CSAD: variants seen among roughly 807,000 people sequenced by gnomAD.
CSAD encodes the protein P-selectin cytoplasmic tail-associated protein.
A neutral mutation model predicts 61.5 loss-of-function variants in CSAD; 47 were observed. The observed-to-expected ratio is 0.76, with a 90% CI of 0.60 to 0.97. The LOEUF (loss-of-function observed/expected upper bound fraction) is 0.97. Ranked by LOEUF, CSAD falls within the 50% of genes least tolerant of loss-of-function variation. The pLI is 0.00. For missense variants in CSAD, 611 were observed against 643.6 expected, an observed-to-expected ratio of 0.95 and a Z score of 0.55; for synonymous variants, 245 against 252.7, an observed-to-expected ratio of 0.97 and a Z score of 0.29.
chr12:53,162,057 C>CA (rs1304868822), intron 10 of CSAD, among the ~76,000 whole-genome samples: 2 of 151,562 alleles, frequency 1.3e-5, no homozygotes, highest in African/African-American at 4.9e-5. Flanking sequence ...GCCAGGAGTT[C>CA]AAGACCAGCC....
chr12:53,161,437 C>T (rs769900010), intron 10 of CSAD, 48 bp from the exon 11 acceptor site: 20 of 1,495,690 alleles, frequency 1.3e-5, no homozygotes, highest in Non-Finnish European at 1.9e-5. Context: ...ATCTCAAAAG[C>T]TACTCAGAGC....
chr12:53,171,847 A>G (rs1159862611), intron 7 of CSAD, 35 bp downstream of exon 7: 2 of 1,393,902 alleles, frequency 1.4e-6, no homozygotes, highest in Non-Finnish European at 2.0e-6. Flanking sequence ...AACTCATAAA[A>G]AGGGCAAAGA....
chr12:53,176,731 A>AT (rs1941138087), intron 2 of CSAD, among the ~76,000 whole-genome samples: 1 of 152,036 alleles, frequency 6.6e-6, no homozygotes, highest in Non-Finnish European at 1.5e-5. Flanking sequence ...AAAAAAAAAA[A>AT]ATATTTATTT....
intron 10 of CSAD, among the ~76,000 whole-genome samples, chr12:53,164,953 A>G (rs1939721934): frequency 6.6e-6 from 1 of 152,198 alleles, no homozygotes; most frequent in Admixed American, 6.5e-5. Flanking sequence ...AACCATCACT[A>G]ATCATTAGGG....
chr12:53,178,502 G>A (rs1191640275), intron 2 of CSAD: 3 of 354,074 alleles, frequency 8.5e-6, no homozygotes, highest in Non-Finnish European at 1.1e-5. Flanking sequence ...TAAACAGAAT[G>A]AAAATAGGGC....
intron 16 of CSAD, among the ~76,000 whole-genome samples, chr12:53,159,152 A>T (rs1220844230): frequency 2.6e-5 from 4 of 152,148 alleles, no homozygotes; most frequent in Non-Finnish European, 5.9e-5. Flanking sequence ...GCCTTATAAT[A>T]ACAACTCCAT....
At chr12:53,176,282 T>C (rs942488025) in intron 2 of CSAD, among the ~76,000 whole-genome samples, 1 of 151,890 alleles carries the variant, frequency 6.6e-6, no homozygotes, top group African/African-American at 2.4e-5. Flanking sequence ...TGGTGGTGCA[T>C]GCCTGTAATC....
chr12:53,166,841 TCTGGAGACTGGTTGC>T (rs1940001859), intron 10 of CSAD, among the ~76,000 whole-genome samples: 2 of 152,020 alleles, frequency 1.3e-5, no homozygotes, highest in African/African-American at 4.8e-5. Context: ...TGAAAAGAGT[TCTGGAGACTGGTTGC>T]AAAACAATGT....
At chr12:53,175,017 T>C (rs1425273633) in intron 2 of CSAD, among the ~76,000 whole-genome samples, 4 of 152,192 alleles carry the variant, frequency 2.6e-5, no homozygotes, top group Non-Finnish European at 1.5e-5. Context: ...GTTCAGTTTG[T>C]TCAGCAAACA....
intron 10 of CSAD, among the ~76,000 whole-genome samples, chr12:53,167,578 T>C (rs1940082625): frequency 6.6e-6 from 1 of 152,320 alleles, no homozygotes; most frequent in East Asian, 1.9e-4. Context: ...AGGATCTGAA[T>C]AGACATTTTT....
chr12:53,173,565 G>A, intron 3 of CSAD, 89 bp from the exon 4 acceptor site: 1 of 1,606,694 alleles, frequency 6.2e-7, no homozygotes, highest in Non-Finnish European at 8.5e-7. Context: ...ACGGGCCTGA[G>A]GCCCAAACCC....
At chr12:53,164,849 AAGAC>A (rs1393526359) in intron 10 of CSAD, 2 of 152,226 alleles carry the variant, frequency 1.3e-5, no homozygotes, top group Non-Finnish European at 2.9e-5. Context: ...CAGTAATAAA[AAGAC>A]AACATAATTT....
intron 16 of CSAD, among the ~76,000 whole-genome samples, chr12:53,158,985 T>C (rs1938910484): frequency 6.6e-6 from 1 of 152,234 alleles, no homozygotes; most frequent in African/African-American, 2.4e-5. Flanking sequence ...TGCTTTAGTC[T>C]AACTTCAAGC....
chr12:53,161,276 C>G lies in CSAD; in HGVS notation c.816G>C (p.Val272=). 5 of 1,614,074 alleles carry G rather than the reference C, an allele frequency of 3.1e-6. No homozygotes were observed. The highest frequency in any genetic ancestry group is 3.4e-6 in the Non-Finnish European group (4 of 1,179,958). ...CCCAAGCCGAAGTCCCACTCACATC[C>G]ACATGCAGCCATAGCCCATGACGCT... The part of the protein sequence containing the change: ...VCQRHGLWLH[V]DAAWGGSVLL... The change falls in exon 11 of 17, where the codon GTG becomes GTC. Residue 272 remains valine, a synonymous_variant. Coordinates refer to ENST00000444623, the MANE Select transcript of CSAD (RefSeq NM_001244705.2).
At chr12:53,170,533 C>G in intron 8 of CSAD, 31 bp from the exon 9 acceptor site, 1 of 1,543,556 alleles carries the variant, frequency 6.5e-7, no homozygotes, top group Non-Finnish European at 9.0e-7. Flanking sequence ...CAAGTTAGCA[C>G]AACTTGATGG....
chr12:53,171,842 A>C (rs775325055), intron 7 of CSAD, 40 bp downstream of exon 7: 19 of 1,349,196 alleles, frequency 1.4e-5, no homozygotes, highest in Admixed American at 1.7e-5. Flanking sequence ...GGAGGAACTC[A>C]TAAAAAGGGC....
At chr12:53,180,361 A>C (rs1941479861) in intron 1 of CSAD, 6 of 985,134 alleles carry the variant, frequency 6.1e-6, no homozygotes, top group Non-Finnish European at 7.2e-6. Flanking sequence ...CGCGAGGAAG[A>C]AAGAGTGACG....
chr12:53,161,161 G>T lies in CSAD; in HGVS notation c.850C>A (p.Gln284Lys), dbSNP rs1400136829. Residue 284 changes from glutamine (Q) to lysine (K), a missense_variant, in exon 12 of 17, where the codon CAG (glutamine) becomes AAG (lysine). Gln to Lys is a moderately conservative substitution (Grantham distance 53, BLOSUM62 1). Coordinates refer to ENST00000444623, the MANE Select transcript of CSAD (RefSeq NM_001244705.2). The stretch of plus-strand genomic sequence containing the variant: ...CCATCCAGGAGATGCCTGTGTGTCT[G>T]TGACAGCAGGACGCTCCCACCCCAG... ...AAWGGSVLLS[Q>K]THRHLLDGIQ... 2 of 1,614,170 alleles carry T rather than the reference G, an allele frequency of 1.2e-6. No individual in the cohort carries two copies. Among genetic ancestry groups the T allele is most frequent in the Non-Finnish European group, 1.7e-6 (2 of 1,180,020 alleles).
chr12:53,170,062 AC>A lies in CSAD; in HGVS notation c.702+9del. ...AGGCTATATCACCCCAGCGAGCCTCACTGACTCACCTCAGCCTCGGCCATAC... is the reference window on the plus strand; with the variant it reads ...AGGCTATATCACCCCAGCGAGCCTCATGACTCACCTCAGCCTCGGCCATAC... On this transcript the variant is annotated intron_variant, in intron 10 of 16. Transcript: ENST00000444623. 2 of 1,613,202 alleles carry A rather than the reference AC, an allele frequency of 1.2e-6. No individual in the cohort carries two copies. Among genetic ancestry groups the A allele is most frequent in the Non-Finnish European group, 1.7e-6 (2 of 1,179,240 alleles).
Sources: gnomAD v4.1 joint callset for allele counts (sites outside exome capture counted in the v4.1 genomes callset) on GRCh38, gnomAD v4.1.1 for gene constraint, MANE v1.5 for transcripts, NCBI Gene and HGNC (gene_info 2026-07-23, HGNC 2026-07-21) for gene names.